The following PCNX1 variants were observed in gnomAD, a reference collection of about 807,000 sequenced individuals.
The protein encoded by PCNX1 is pecanex-like protein 1.
A neutral mutation model predicts 242.2 loss-of-function variants in PCNX1; 78 were observed. The ratio of observed to expected loss-of-function variants is 0.32; its 90% CI spans 0.27 to 0.39. The LOEUF is 0.39. Among genes scored for constraint, PCNX1 ranks in the 10% least tolerant of loss-of-function variants. PCNX1 has a pLI of 1.00. For synonymous variants in PCNX1, 1,024 were observed against 1,032.9 expected, an observed-to-expected ratio of 0.99 and a Z score of 0.17; for missense variants, 2,581 against 2,856.5, an observed-to-expected ratio of 0.90 and a Z score of 2.20.
intron 26 of PCNX1, among the ~76,000 whole-genome samples, chr14:71,058,360 T>C (rs2061237928): frequency 6.6e-6 from 1 of 152,212 alleles, no homozygotes; most frequent in South Asian, 2.1e-4. Flanking sequence ...CTGATAAAGT[T>C]ATTTCTTTAC....
intron 26 of PCNX1, among the ~76,000 whole-genome samples, chr14:71,068,972 C>G (rs1003406586): frequency 6.6e-6 from 1 of 151,930 alleles, no homozygotes; most frequent in African/African-American, 2.4e-5. Flanking sequence ...AACACGTACT[C>G]GAGACTAGGT....
rs200674184 is a variant in PCNX1, at chr14:71,088,455, G to A, written c.5438+25G>A. 1.3e-4 allele frequency: 182 copies of A among 1,378,140 alleles called. No individual in the cohort carries two copies. The African/African-American group carries it at 2.4e-3, about 18-fold the overall frequency. 85.4% of individuals were successfully genotyped at this position (1,378,140 alleles called of 1,614,324 possible). On this transcript the variant is annotated intron_variant, in intron 29 of 35. Transcript: ENST00000304743. ...GGTAAAGAAGGCATTTCTGTTCTGA[G>A]GAAGAGAGCATGGGAAGCTGTATAG...
rs1166615603 is a variant in PCNX1 at position 70,978,719 on chromosome 14, T to TA, written c.2311+72dup. On this transcript the variant is annotated intron_variant, in intron 6 of 35. Coordinates refer to ENST00000304743, the MANE Select transcript of PCNX1 (RefSeq NM_014982.3). ...TCATACTATTAATTAGAGTAGTACT[T>TA]ACTAAAATATGCTTCTGTTAATATT... 3.1e-6 allele frequency: 4 copies of TA among 1,277,602 alleles called. No homozygotes were observed. The African/African-American group carries it at 6.0e-5, about 19-fold the overall frequency. The allele number at this position is 1,277,602 out of a possible 1,614,324, so 79.1% of individuals were successfully genotyped here.
At chr14:71,079,938 T>A (rs2061810587) in intron 28 of PCNX1, among the ~76,000 whole-genome samples, 1 of 152,194 alleles carries the variant, frequency 6.6e-6, no homozygotes, top group Non-Finnish European at 1.5e-5. Context: ...AGTCATGAAG[T>A]CTTTGCCTAT....
chr14:71,003,371 A>C (rs956524425), intron 8 of PCNX1, among the ~76,000 whole-genome samples: 1 of 152,104 alleles, frequency 6.6e-6, no homozygotes, highest in Non-Finnish European at 1.5e-5. Context: ...GATTACGGGC[A>C]TGAGCCACTG....
intron 6 of PCNX1, among the ~76,000 whole-genome samples, chr14:70,979,981 A>G (rs552973030): frequency 2.2e-5 from 3 of 139,148 alleles, no homozygotes; most frequent in East Asian, 2.0e-4. Flanking sequence ...TTTTTTTTGT[A>G]AACAACCTGA....
At chr14:70,988,754 C>T in intron 7 of PCNX1, 55 bp downstream of exon 7, 2 of 1,553,868 alleles carry the variant, frequency 1.3e-6, no homozygotes, top group South Asian at 2.3e-5. Flanking sequence ...CCCTTCTAAT[C>T]TGTTCCGCCA....
chr14:71,021,950 C>G (rs2060114380), intron 12 of PCNX1, among the ~76,000 whole-genome samples: 1 of 152,000 alleles, frequency 6.6e-6, no homozygotes, highest in Non-Finnish European at 1.5e-5. Context: ...TTATTTGTTG[C>G]CTTTGTATAT....
chr14:71,099,159 ATT>A (rs35488754), intron 30 of PCNX1, among the ~76,000 whole-genome samples: 5 of 131,456 alleles, frequency 3.8e-5, no homozygotes, highest in Non-Finnish European at 1.6e-5. Flanking sequence ...TATTATTTTG[ATT>A]TTTTTTTTTT....
Position 71,039,216 on chromosome 14 carries a change from G to A in PCNX1, c.3867+3059G>A, listed in dbSNP as rs184547345. On this transcript the variant is annotated intron_variant, in intron 19 of 35. Transcript: ENST00000304743. Reference sequence around the variant, plus strand: ...GTGCACACGTACCCTAAAACTTAAAGTATAATTAAAAAAAAAAATTAAAAA... The same window carrying A: ...GTGCACACGTACCCTAAAACTTAAAATATAATTAAAAAAAAAAATTAAAAA... Among the ~76,000 whole-genome samples, 68 of 151,040 alleles carry A rather than the reference G, an allele frequency of 4.5e-4. No homozygotes were observed. In the East Asian group the frequency reaches 0.012, roughly 27 times the overall value.
chr14:70,977,571 A>G lies in PCNX1; in HGVS notation c.1234A>G (p.Ser412Gly). ...SEQTSSTHIE[S>G]ILSEHEESPK... ...GCAGACCAGCTCAACTCACATAGAG[A>G]GCATCCTGTCAGAGCATGAGGAGTC... Residue 412 changes from serine to glycine, a missense_variant, in exon 6 of 36, where the codon AGC becomes GGC. By Grantham distance (56) the Ser-to-Gly change is moderately conservative. Transcript: ENST00000304743. 6.2e-7 allele frequency: 1 copy of G among 1,614,204 alleles called. No homozygotes were observed. The highest frequency in any genetic ancestry group is 8.5e-7 in the Non-Finnish European group (1 of 1,180,036).
At chr14:71,068,432 ATATGTATGTATATG>A (rs1380341709) in intron 26 of PCNX1, among the ~76,000 whole-genome samples, 1 of 148,976 alleles carries the variant, frequency 6.7e-6, no homozygotes, top group Non-Finnish European at 1.5e-5. Flanking sequence ...GTATATGTAT[ATATGTATGTATATG>A]TATATATGTG....
At chr14:71,066,608 C>G (rs887881489) in intron 26 of PCNX1, among the ~76,000 whole-genome samples, 1 of 152,170 alleles carries the variant, frequency 6.6e-6, no homozygotes, top group South Asian at 2.1e-4. Context: ...ATTTCTTTCT[C>G]TTGGCTGATT....
At chr14:70,911,044 C>A (rs1006160469) in intron 1 of PCNX1, among the ~76,000 whole-genome samples, 6 of 152,084 alleles carry the variant, frequency 3.9e-5, no homozygotes, top group Admixed American at 1.3e-4. Context: ...GAAGTATACA[C>A]CAAAAATAAA....
chr14:70,917,686 AT>A (rs1244721516), intron 1 of PCNX1, among the ~76,000 whole-genome samples: 3 of 152,208 alleles, frequency 2.0e-5, no homozygotes, highest in Non-Finnish European at 4.4e-5. Context: ...GGGCTCTTGG[AT>A]TTTTGGAATG....
intron 2 of PCNX1, 147 bp from the exon 3 acceptor site, chr14:70,962,079 G>A (rs914994378): frequency 3.2e-5 from 19 of 592,386 alleles, no homozygotes; most frequent in Middle Eastern, 4.7e-4. Flanking sequence ...AAGAATGATC[G>A]TTGTTTACCT....
At chr14:70,952,908 A>G (rs754421481) in intron 2 of PCNX1, among the ~76,000 whole-genome samples, 2 of 152,276 alleles carry the variant, frequency 1.3e-5, no homozygotes, top group Non-Finnish European at 2.9e-5. Flanking sequence ...TCACATCTTC[A>G]TCAACATTTG....
At chr14:71,045,089 C>G in intron 19 of PCNX1, 44 bp from the exon 20 acceptor site, 1 of 1,378,514 alleles carries the variant, frequency 7.3e-7, no homozygotes, top group Non-Finnish European at 9.8e-7. Flanking sequence ...TACAATGAGT[C>G]TCAAAATCAC....
At position 70,935,009 on chromosome 14, in the gene PCNX1, CT is replaced by C. The variant is rs1208493139; in HGVS notation, c.154-11902del. 3.5e-5 allele frequency among the ~76,000 whole-genome samples: 5 copies of C among 143,022 alleles called. No individual in the cohort carries two copies. In the East Asian group the frequency reaches 1.0e-3, roughly 29 times the overall value. 93.8% of individuals were successfully genotyped at this position (143,022 alleles called of 152,430 possible). ...CACCAGACAGACCGGTGTGTATGCA[CT>C]TTTACCCCCTTTGGGAAAAGTTAAA... On this transcript the variant is annotated intron_variant, in intron 1 of 35. Coordinates refer to ENST00000304743, the MANE Select transcript of PCNX1 (RefSeq NM_014982.3).
Sources: allele counts gnomAD v4.1 joint callset (sites outside exome capture counted in the v4.1 genomes callset), GRCh38; gene constraint gnomAD v4.1.1; transcripts MANE v1.5; gene names NCBI Gene and HGNC (gene_info 2026-07-23, HGNC 2026-07-21).